Variants in XPO1 observed in about 807,000 individuals in gnomAD.
The protein encoded by XPO1 is exportin 1.
XPO1 carries 5 observed loss-of-function variants against 133.3 expected under a neutral mutation model. The ratio of observed to expected loss-of-function variants is 0.04; its 90% CI spans 0.02 to 0.08. XPO1 has a LOEUF of 0.08. XPO1 is among the 10% of genes least tolerant of loss of function. XPO1 has a pLI of 1.00. For missense variants in XPO1, 506 were observed against 1,267.5 expected, an observed-to-expected ratio of 0.40 and a Z score of 9.12; for synonymous variants, 419 against 408.2, an observed-to-expected ratio of 1.03 and a Z score of -0.32.
At chr2:61,501,114 G>A (rs1209546794) in intron 6 of XPO1, among the ~76,000 whole-genome samples, 1 of 152,120 alleles carries the variant, frequency 6.6e-6, no homozygotes, top group African/African-American at 2.4e-5. Context: ...ACCACTCAGA[G>A]AAGGGCTAAC....
chr2:61,484,126 CAA>C (rs1449525630), intron 20 of XPO1, 21 bp from the exon 21 acceptor site: 2 of 1,598,342 alleles, frequency 1.3e-6, no homozygotes, highest in African/African-American at 2.7e-5. Context: ...GTGGTGGAAA[CAA>C]AATAATGTTT....
At chr2:61,499,031 C>T (rs941970008) in intron 7 of XPO1, 118 bp from the exon 8 acceptor site, 23 of 1,212,410 alleles carry the variant, frequency 1.9e-5, no homozygotes, top group Admixed American at 3.0e-5. Flanking sequence ...CCTGTAATCG[C>T]AGAACTTTGG....
At chr2:61,502,342 T>G (rs748563726) in intron 4 of XPO1, 32 bp from the exon 5 acceptor site, 3 of 1,590,482 alleles carry the variant, frequency 1.9e-6, no homozygotes, top group African/African-American at 1.4e-5. Context: ...ATAAAAAAAT[T>G]GTTGAGCTCT....
chr2:61,524,063 AAG>A (rs1227239502), intron 3 of XPO1, among the ~76,000 whole-genome samples: 4 of 152,206 alleles, frequency 2.6e-5, no homozygotes, highest in African/African-American at 9.7e-5. Context: ...ATGTAAAAAA[AAG>A]AGAGTTGTCC....
intron 22 of XPO1, 190 bp downstream of exon 22, chr2:61,482,767 A>C (rs1432494161): frequency 1.3e-6 from 1 of 764,172 alleles, no homozygotes; most frequent in Non-Finnish European, 2.0e-6. Context: ...CACCATGCCC[A>C]GTATTTTTAT....
chr2:61,525,015 T>C (rs906435264), intron 3 of XPO1, among the ~76,000 whole-genome samples: 1 of 151,990 alleles, frequency 6.6e-6, no homozygotes, highest in Non-Finnish European at 1.5e-5. Flanking sequence ...AATCCAAACA[T>C]TCTGAAGAAT....
At chr2:61,533,953 T>C in intron 1 of XPO1, 50 bp from the exon 2 acceptor site, 1 of 1,388,382 alleles carries the variant, frequency 7.2e-7, no homozygotes. Context: ...TTTGGTATTA[T>C]CAAAAACTTC....
At position 61,533,242 on chromosome 2, in the gene XPO1, A is replaced by G. The variant is rs192410209; in HGVS notation, c.126+530T>C. ...TTTCTTGTGACATATACAATTTAAAATTGTACACACATTTCTGTTTCACCT... is the reference window on the plus strand; with the variant it reads ...TTTCTTGTGACATATACAATTTAAAGTTGTACACACATTTCTGTTTCACCT... On this transcript the variant is annotated intron_variant, in intron 2 of 24. Transcript: ENST00000401558. Among the ~76,000 whole-genome samples, 472 of 152,340 alleles carry G rather than the reference A, an allele frequency of 3.1e-3. 4 individuals are homozygous for G. Among genetic ancestry groups the G allele is most frequent in the Non-Finnish European group, 4.6e-3 (313 of 68,030 alleles).
intron 9 of XPO1, among the ~76,000 whole-genome samples, chr2:61,497,681 G>T (rs1266850442): frequency 6.6e-6 from 1 of 152,156 alleles, no homozygotes; most frequent in African/African-American, 2.4e-5. Context: ...AGAGTAATAA[G>T]AATATGGGAA....
intron 4 of XPO1, among the ~76,000 whole-genome samples, chr2:61,519,484 T>C (rs936097637): frequency 1.3e-5 from 2 of 148,984 alleles, no homozygotes; most frequent in African/African-American, 5.0e-5. Context: ...GACCAAAAGG[T>C]CAGGAAATCG....
intron 2 of XPO1, among the ~76,000 whole-genome samples, chr2:61,529,914 G>C (rs1214259274): frequency 6.6e-6 from 1 of 152,144 alleles, no homozygotes; most frequent in Non-Finnish European, 1.5e-5. Context: ...GTGGTTACAA[G>C]AGTTAATGTG....
intron 4 of XPO1, among the ~76,000 whole-genome samples, chr2:61,513,607 G>A (rs139452740): frequency 1.3e-5 from 2 of 152,040 alleles, no homozygotes; most frequent in Non-Finnish European, 2.9e-5. Context: ...TTACAGGCGT[G>A]AGCCACTGTG....
chr2:61,509,290 C>A (rs1697975271), intron 4 of XPO1, among the ~76,000 whole-genome samples: 1 of 152,048 alleles, frequency 6.6e-6, no homozygotes, highest in African/African-American at 2.4e-5. Flanking sequence ...CAGGCATGAG[C>A]CACCACGCCC....
rs1699427505 is a variant in XPO1, at chr2:61,537,932, G to A, written c.-377C>T. ...CCACAGGCAGCAGCAGAAGCGGCAG[G>A]AGTAGGGGGTGTAGAGTCCACACGG... On this transcript the variant is annotated 5_prime_UTR_variant, in exon 1 of 25. Coordinates refer to ENST00000401558, the MANE Select transcript of XPO1 (RefSeq NM_003400.4). 6.2e-6 allele frequency: 1 copy of A among 162,158 alleles called. No individual in the cohort carries two copies. The highest frequency in any genetic ancestry group is 2.4e-5 in the African/African-American group (1 of 41,506). 10.0% of individuals were successfully genotyped at this position (162,158 alleles called of 1,614,324 possible).
intron 4 of XPO1, 85 bp downstream of exon 4, chr2:61,522,526 C>A: frequency 8.6e-7 from 1 of 1,164,776 alleles, no homozygotes; most frequent in South Asian, 1.3e-5. Flanking sequence ...ACTAAAGATT[C>A]ATTACATGCC....
intron 18 of XPO1, 81 bp downstream of exon 18, chr2:61,488,507 A>G: frequency 1.4e-6 from 2 of 1,438,560 alleles, no homozygotes; most frequent in Non-Finnish European, 1.9e-6. Flanking sequence ...ATCTGTAAAA[A>G]ACATCAAATG....
chr2:61,530,518 G>C (rs1699102313), intron 2 of XPO1, among the ~76,000 whole-genome samples: 1 of 152,050 alleles, frequency 6.6e-6, no homozygotes, highest in Non-Finnish European at 1.5e-5. Flanking sequence ...CACAATATTG[G>C]AGAAAACATC....
intron 19 of XPO1, among the ~76,000 whole-genome samples, chr2:61,486,933 G>T (rs1234673612): frequency 6.6e-6 from 1 of 152,006 alleles, no homozygotes; most frequent in Non-Finnish European, 1.5e-5. Flanking sequence ...TGCCCAGTAA[G>T]ATTTTCATGA....
intron 4 of XPO1, among the ~76,000 whole-genome samples, 171 bp downstream of exon 4, chr2:61,522,440 C>A (rs532131961): frequency 3.1e-4 from 47 of 152,246 alleles, no homozygotes; most frequent in African/African-American, 1.1e-3. Flanking sequence ...CTGTAAGTGG[C>A]CTTCCTGTAC....
Sources: allele counts gnomAD v4.1 joint callset (sites outside exome capture counted in the v4.1 genomes callset), GRCh38; gene constraint gnomAD v4.1.1; transcripts MANE v1.5; gene names NCBI Gene and HGNC (gene_info 2026-07-23, HGNC 2026-07-21).